Variants in GALNT17 observed in about 807,000 individuals in gnomAD.
The protein encoded by GALNT17 is UDP-GalNAc:polypeptide N-acetylgalactosaminyltransferase-like 3.
Under a neutral mutation model 63.7 loss-of-function variants are expected in GALNT17, and 29 were observed. The observed-to-expected ratio is 0.46, with a 90% confidence interval of 0.34 to 0.62. GALNT17 has a LOEUF of 0.62. Among genes scored for constraint, GALNT17 ranks in the 20% least tolerant of loss-of-function variants. The pLI is 0.01. For missense variants in GALNT17, 603 were observed against 799.6 expected (o/e 0.75, Z 2.97); for synonymous variants, 305 against 318.3 (o/e 0.96, Z 0.45).
intron 4 of GALNT17, 56 bp downstream of exon 4, chr7:71,416,119 G>C (rs962410126): frequency 6.5e-7 from 1 of 1,540,546 alleles, no homozygotes. Flanking sequence ...GGTTGAGAGG[G>C]GCTGGAATCT....
At chr7:71,583,162 G>C (rs936761830) in intron 6 of GALNT17, among the ~76,000 whole-genome samples, 1 of 152,144 alleles carries the variant, frequency 6.6e-6, no homozygotes, top group East Asian at 1.9e-4. Flanking sequence ...TAGCAGGATC[G>C]CGACTCACTG....
rs991138306 is a variant in GALNT17, at chr7:71,420,195, G to A, written c.765-713G>A. The stretch of plus-strand genomic sequence containing the variant: ...CCATCTGCTGTCTCCTAAGCCAGTC[G>A]GGCTACACCTTGAACCTGGAGCCAG... On this transcript the variant is annotated intron_variant, in intron 4 of 10. Transcript: ENST00000333538. Among the ~76,000 whole-genome samples, 3 of 152,212 alleles carry A rather than the reference G, an allele frequency of 2.0e-5. No homozygotes were observed. In the East Asian group the frequency reaches 5.8e-4, roughly 29 times the overall value.
intron 6 of GALNT17, among the ~76,000 whole-genome samples, chr7:71,586,751 A>T (rs1204301228): frequency 6.6e-6 from 1 of 151,908 alleles, no homozygotes; most frequent in East Asian, 1.9e-4. Flanking sequence ...CACATAATAG[A>T]TGTACATATT....
At chr7:71,585,191 C>T (rs564385579) in intron 6 of GALNT17, among the ~76,000 whole-genome samples, 1 of 152,222 alleles carries the variant, frequency 6.6e-6, no homozygotes, top group African/African-American at 2.4e-5. Flanking sequence ...TATGAACTTC[C>T]TAGTGCTGAC....
At chr7:71,321,934 T>TCCCC (rs1563001307) in intron 1 of GALNT17, among the ~76,000 whole-genome samples, 12 of 38,276 alleles carry the variant, frequency 3.1e-4, no homozygotes, top group Non-Finnish European at 5.2e-4. Context: ...CCTCCCTCCC[T>TCCCC]CCCTCCCTCC....
At chr7:71,573,870 T>TC (rs1477282186) in intron 6 of GALNT17, among the ~76,000 whole-genome samples, 1 of 152,154 alleles carries the variant, frequency 6.6e-6, no homozygotes, top group Admixed American at 6.5e-5. Flanking sequence ...GTGGTTCCCT[T>TC]CTTTGTGATG....
At chr7:71,332,925 T>C (rs534700475) in intron 1 of GALNT17, among the ~76,000 whole-genome samples, 1 of 152,272 alleles carries the variant, frequency 6.6e-6, no homozygotes, top group East Asian at 1.9e-4. Context: ...TGACCTCAAG[T>C]GATCCGCCCA....
chr7:71,145,729 A>G (rs1788008176), intron 1 of GALNT17, among the ~76,000 whole-genome samples: 1 of 152,030 alleles, frequency 6.6e-6, no homozygotes, highest in Non-Finnish European at 1.5e-5. Context: ...TTTTTTGAGA[A>G]GGAGTCTCAC....
At chr7:71,396,136 T>C (rs939942078) in intron 3 of GALNT17, among the ~76,000 whole-genome samples, 8 of 152,142 alleles carry the variant, frequency 5.3e-5, no homozygotes, top group African/African-American at 1.9e-4. Flanking sequence ...CAGTTTTTCT[T>C]TTTTTCCTTT....
At chr7:71,322,253 C>G (rs1233799118) in intron 1 of GALNT17, among the ~76,000 whole-genome samples, 1 of 152,042 alleles carries the variant, frequency 6.6e-6, no homozygotes, top group East Asian at 1.9e-4. Flanking sequence ...CATGCCTGGC[C>G]TCAATTTTCT....
rs190736390 is a variant in GALNT17, at chr7:71,643,459, C to A, written c.1081-21952C>A. Among the ~76,000 whole-genome samples the A allele has an allele frequency of 1.8e-3, 273 of 152,232 alleles. 2 individuals are homozygous for A. Among genetic ancestry groups the A allele is most frequent in the African/African-American group, 6.4e-3 (264 of 41,546 alleles). Reference sequence around the variant, plus strand: ...CTCCAACCTGGGCCACAGAGCGAGACTCTGTCAAAAAACAAAAACAAAAAC... The same window carrying A: ...CTCCAACCTGGGCCACAGAGCGAGAATCTGTCAAAAAACAAAAACAAAAAC... On this transcript the variant is annotated intron_variant, in intron 6 of 10. Coordinates refer to ENST00000333538, the MANE Select transcript of GALNT17 (RefSeq NM_022479.3).
At chr7:71,561,008 A>C (rs1789246356) in intron 5 of GALNT17, among the ~76,000 whole-genome samples, 1 of 151,994 alleles carries the variant, frequency 6.6e-6, no homozygotes, top group South Asian at 2.1e-4. Context: ...AAATGAGTGA[A>C]TTTGTTTTTG....
chr7:71,462,554 G>A (rs541033977), intron 5 of GALNT17, among the ~76,000 whole-genome samples: 197 of 152,294 alleles, frequency 1.3e-3, no homozygotes, highest in African/African-American at 4.5e-3. Context: ...GCCCAAGGTG[G>A]TCGGGGCACA....
At chr7:71,217,288 C>CT (rs1225251353) in intron 1 of GALNT17, among the ~76,000 whole-genome samples, 8 of 149,994 alleles carry the variant, frequency 5.3e-5, no homozygotes, top group Admixed American at 4.0e-4. Flanking sequence ...TTTTTTCTTT[C>CT]TTTTTTTTAA....
chr7:71,592,934 C>G (rs374008339), intron 6 of GALNT17, among the ~76,000 whole-genome samples: 3 of 152,026 alleles, frequency 2.0e-5, no homozygotes, highest in East Asian at 1.9e-4. Context: ...ATTGCTTGAG[C>G]CCAGGAGTTC....
At chr7:71,512,360 G>C (rs192519574) in intron 5 of GALNT17, among the ~76,000 whole-genome samples, 5 of 151,984 alleles carry the variant, frequency 3.3e-5, no homozygotes, top group African/African-American at 1.2e-4. Context: ...TCTCTGTGTC[G>C]TGACACGTGA....
intron 9 of GALNT17, among the ~76,000 whole-genome samples, chr7:71,682,060 G>A (rs1369018313): frequency 6.6e-6 from 1 of 151,954 alleles, no homozygotes; most frequent in African/African-American, 2.4e-5. Flanking sequence ...ATGAGTAGTT[G>A]GGATTACAGG....
intron 1 of GALNT17, among the ~76,000 whole-genome samples, chr7:71,302,564 C>G (rs769397664): frequency 2.0e-5 from 3 of 152,118 alleles, no homozygotes; most frequent in Non-Finnish European, 4.4e-5. Flanking sequence ...TCCCAGGGAC[C>G]TAGGTCTCCT....
chr7:71,193,079 A>G (rs1003659709), intron 1 of GALNT17, among the ~76,000 whole-genome samples: 7 of 122,132 alleles, frequency 5.7e-5, no homozygotes, highest in African/African-American at 3.6e-4. Flanking sequence ...TTATTTATTT[A>G]TTTATTTATT....
Sources: allele counts gnomAD v4.1 joint callset (sites outside exome capture counted in the v4.1 genomes callset), GRCh38; gene constraint gnomAD v4.1.1; transcripts MANE v1.5; gene names NCBI Gene and HGNC (gene_info 2026-07-23, HGNC 2026-07-21).